The following ANO10 variants were observed in gnomAD, a reference collection of about 807,000 sequenced individuals.
The protein encoded by ANO10 is anoctamin-10.
Under a neutral mutation model 74.7 loss-of-function variants are expected in ANO10, and 77 were observed. That is an observed-to-expected ratio of 1.03 (90% CI 0.86 to 1.25). The LOEUF (loss-of-function observed/expected upper bound fraction) is 1.25. Ranked by LOEUF, ANO10 falls within the 50% of genes most tolerant of loss-of-function variation. The probability of loss-of-function intolerance (pLI) is 0.00; values close to 1 mark genes in which losing one functional copy is unlikely to be tolerated. For missense variants in ANO10, 721 were observed against 778.1 expected (o/e 0.93, Z 0.87); for synonymous variants, 279 against 284.9 (o/e 0.98, Z 0.21).
At chr3:43,442,391 A>C (rs575919717) in intron 11 of ANO10, among the ~76,000 whole-genome samples, 1 of 152,246 alleles carries the variant, frequency 6.6e-6, no homozygotes, top group South Asian at 2.1e-4. Context: ...CTAACAATGA[A>C]CAATTTGAAA....
chr3:43,638,686 C>T (rs1004963513), intron 1 of ANO10: 1 of 152,208 alleles, frequency 6.6e-6, no homozygotes, highest in Admixed American at 6.5e-5. Context: ...TGCTGTACAG[C>T]GAGACAAGTC....
At chr3:43,646,855 G>A (rs573298946) in intron 1 of ANO10, among the ~76,000 whole-genome samples, 2 of 152,170 alleles carry the variant, frequency 1.3e-5, no homozygotes, top group South Asian at 2.1e-4. Flanking sequence ...CTTCTAGTTC[G>A]GTTCTAAAAT....
intron 12 of ANO10, among the ~76,000 whole-genome samples, chr3:43,426,467 T>C (rs926788155): frequency 2.6e-5 from 4 of 152,186 alleles, no homozygotes; most frequent in African/African-American, 9.7e-5. Context: ...ATTAGTAGTG[T>C]CTCCTTAAAG....
chr3:43,564,611 G>C (rs891881264), intron 8 of ANO10, among the ~76,000 whole-genome samples: 1 of 152,022 alleles, frequency 6.6e-6, no homozygotes, highest in African/African-American at 2.4e-5. Flanking sequence ...TACTTGGCCT[G>C]TACACTGCTG....
intron 11 of ANO10, among the ~76,000 whole-genome samples, chr3:43,523,055 T>A (rs1308515576): frequency 2.0e-5 from 3 of 152,214 alleles, no homozygotes; most frequent in Admixed American, 6.5e-5. Context: ...GGTCAGAGAT[T>A]CTCTGGACAC....
chr3:43,493,415 T>C (rs955902358), intron 11 of ANO10, among the ~76,000 whole-genome samples: 3 of 146,856 alleles, frequency 2.0e-5, no homozygotes, highest in African/African-American at 7.5e-5. Context: ...AAGTATAATT[T>C]AAAAAAAAAA....
chr3:43,433,291 C>T (rs1332097754), intron 11 of ANO10, among the ~76,000 whole-genome samples: 2 of 151,926 alleles, frequency 1.3e-5, no homozygotes, highest in South Asian at 2.1e-4. Flanking sequence ...AAACTGATAC[C>T]GTAAGGGTAC....
chr3:43,471,153 A>G (rs1161642249), intron 11 of ANO10, among the ~76,000 whole-genome samples: 1 of 152,202 alleles, frequency 6.6e-6, no homozygotes, highest in East Asian at 1.9e-4. Flanking sequence ...GACCCAGAAA[A>G]TATTTAGAAA....
intron 12 of ANO10, among the ~76,000 whole-genome samples, chr3:43,421,185 C>T (rs2092815094): frequency 6.6e-6 from 1 of 151,568 alleles, no homozygotes; most frequent in Non-Finnish European, 1.5e-5. Flanking sequence ...ATTGCGCCAC[C>T]ACACTCCAGG....
chr3:43,610,524 C>T (rs543328460), intron 1 of ANO10, among the ~76,000 whole-genome samples: 16 of 152,226 alleles, frequency 1.1e-4, no homozygotes, highest in African/African-American at 3.6e-4. Flanking sequence ...TTGTTTACAC[C>T]GGCATCACCA....
At chr3:43,558,945 G>A (rs1275523843) in intron 9 of ANO10, among the ~76,000 whole-genome samples, 1 of 152,176 alleles carries the variant, frequency 6.6e-6, no homozygotes, top group Non-Finnish European at 1.5e-5. Context: ...CTAGAGTTCA[G>A]TCACAGACCC....
intron 11 of ANO10, among the ~76,000 whole-genome samples, chr3:43,432,941 A>ATTTTTTTT (rs1559539096): frequency 2.1e-5 from 1 of 46,542 alleles, no homozygotes; most frequent in Non-Finnish European, 4.9e-5. Flanking sequence ...ACTTTGCTTA[A>ATTTTTTTT]TTCTTTTTTT....
intron 1 of ANO10, among the ~76,000 whole-genome samples, chr3:43,616,751 G>A (rs2083129442): frequency 6.6e-6 from 1 of 152,122 alleles, no homozygotes; most frequent in Non-Finnish European, 1.5e-5. Context: ...ATACAGGCCA[G>A]CTTACTTAAG....
At chr3:43,589,151 A>G (rs2081608281) in intron 4 of ANO10, among the ~76,000 whole-genome samples, 1 of 151,998 alleles carries the variant, frequency 6.6e-6, no homozygotes, top group Admixed American at 6.6e-5. Context: ...ATGGGAATAA[A>G]TGAATGAGTT....
intron 12 of ANO10, among the ~76,000 whole-genome samples, chr3:43,380,529 G>T (rs1169592448): frequency 6.6e-6 from 1 of 152,132 alleles, no homozygotes; most frequent in Admixed American, 6.5e-5. Flanking sequence ...AAGGGATTGG[G>T]GTCCTATCTT....
intron 9 of ANO10, among the ~76,000 whole-genome samples, chr3:43,557,526 G>C (rs1416475891): frequency 6.6e-6 from 1 of 151,584 alleles, no homozygotes; most frequent in Non-Finnish European, 1.5e-5. Context: ...ACGAGGTCAG[G>C]AGATTGAGAC....
At chr3:43,657,210 G>A (rs1427868766) in intron 1 of ANO10, among the ~76,000 whole-genome samples, 2 of 152,182 alleles carry the variant, frequency 1.3e-5, no homozygotes, top group Non-Finnish European at 2.9e-5. Flanking sequence ...GTTTTTGTAA[G>A]GACAGGGATC....
chr3:43,641,004 A>T (rs1447863916), intron 1 of ANO10, among the ~76,000 whole-genome samples: 1 of 152,204 alleles, frequency 6.6e-6, no homozygotes, highest in African/African-American at 2.4e-5. Context: ...TGCCACATGA[A>T]TTGCAGCTAT....
At chr3:43,451,788 T>G (rs776160817) in intron 11 of ANO10, among the ~76,000 whole-genome samples, 2 of 152,232 alleles carry the variant, frequency 1.3e-5, no homozygotes, top group Non-Finnish European at 2.9e-5. Context: ...CAAATAACTG[T>G]GGTTCACTTA....
Sources: gnomAD v4.1 joint callset for allele counts (sites outside exome capture counted in the v4.1 genomes callset) on GRCh38, gnomAD v4.1.1 for gene constraint, MANE v1.5 for transcripts, NCBI Gene and HGNC (gene_info 2026-07-23, HGNC 2026-07-21) for gene names.